The following ADAMTSL1 variants were observed in gnomAD, a reference collection of about 807,000 sequenced individuals.
ADAMTSL1 encodes the protein ADAMTS like 1, also known as ADAMTS-like protein 1.
In ADAMTSL1, 126 loss-of-function variants were observed where a neutral mutation model predicts 201.8. The ratio of observed to expected loss-of-function variants is 0.62; its 90% CI spans 0.54 to 0.72. The LOEUF (loss-of-function observed/expected upper bound fraction) is 0.72, where lower values mean the gene tolerates loss of function less well. Among genes scored for constraint, ADAMTSL1 ranks in the 30% least tolerant of loss-of-function variants. The pLI is 0.00. For missense variants in ADAMTSL1, 2,679 were observed against 2,277.8 expected, an observed-to-expected ratio of 1.18 and a Z score of -3.59; for synonymous variants, 1,121 against 903.4, an observed-to-expected ratio of 1.24 and a Z score of -4.32.
rs1820644031 is a variant in ADAMTSL1, at chr9:18,770,737, A to G, written c.2353A>G (p.Lys785Glu). Residue 785 changes from lysine (K) to glutamate (E), a missense_variant, in exon 17 of 29, where the codon AAA (lysine) becomes GAA (glutamate). Coordinates refer to ENST00000380548, the MANE Select transcript of ADAMTSL1 (RefSeq NM_001040272.6). ...ACCTGCCTGCCAGCAAGCATGCAAGAAAGATGACTGTCCCAGCGAGTGGCT... is the reference window on the plus strand; with the variant it reads ...ACCTGCCTGCCAGCAAGCATGCAAGGAAGATGACTGTCCCAGCGAGTGGCT... ...SKPACQQACK[K>E]DDCPSEWLLS... 1.2e-6 allele frequency: 2 copies of G among 1,613,948 alleles called. No homozygotes were observed. Among genetic ancestry groups the G allele is most frequent in the Non-Finnish European group, 1.7e-6 (2 of 1,179,878 alleles).
chr9:18,196,855 C>A (rs997274325), intron 2 of ADAMTSL1, among the ~76,000 whole-genome samples: 3 of 152,086 alleles, frequency 2.0e-5, no homozygotes, highest in Admixed American at 1.3e-4. Context: ...CTGCCCTCAA[C>A]CTGACCAGCT....
chr9:18,471,503 G>A (rs941918836), upstream of ADAMTSL1, among the ~76,000 whole-genome samples: 2 of 152,140 alleles, frequency 1.3e-5, no homozygotes, highest in African/African-American at 4.8e-5. Context: ...CATAAAGATG[G>A]CATGTACATT....
chr9:18,007,467 T>C (rs1207507962), intron 1 of ADAMTSL1, among the ~76,000 whole-genome samples: 1 of 152,030 alleles, frequency 6.6e-6, no homozygotes, highest in Non-Finnish European at 1.5e-5. Context: ...AGACGGTATG[T>C]TAGAGTCATC....
rs747836852 is a variant in ADAMTSL1, at chr9:18,753,447, C to T, written c.2156C>T (p.Thr719Met). ...CTGTGTCGCCAGCCCAAGCCCAGCA[C>T]GGTGCAAGCTTGTAACCGCTTTAAT... ...DELCRQPKPS[T>M]VQACNRFNCP... Residue 719 changes from threonine to methionine, a missense_variant, in exon 16 of 29, where the codon ACG becomes ATG. Coordinates refer to ENST00000380548, the MANE Select transcript of ADAMTSL1 (RefSeq NM_001040272.6). The T allele has an allele frequency of 1.4e-5, 23 of 1,613,408 alleles. No individual in the cohort carries two copies. Among genetic ancestry groups the T allele is most frequent in the Middle Eastern group, 1.6e-4 (1 of 6,064 alleles).
At chr9:18,096,511 G>T (rs915219199) in intron 1 of ADAMTSL1, among the ~76,000 whole-genome samples, 10 of 152,198 alleles carry the variant, frequency 6.6e-5, no homozygotes, top group Non-Finnish European at 1.5e-4. Flanking sequence ...GATGGGGGTG[G>T]TGGAGATTCC....
intron 1 of ADAMTSL1, among the ~76,000 whole-genome samples, chr9:18,500,609 T>C (rs1381272707): frequency 6.6e-6 from 1 of 152,158 alleles, no homozygotes; most frequent in Non-Finnish European, 1.5e-5. Context: ...CATAAAATTA[T>C]AGAGCCAAAA....
intron 19 of ADAMTSL1, among the ~76,000 whole-genome samples, chr9:18,788,177 C>A (rs1390609242): frequency 6.6e-6 from 1 of 152,078 alleles, no homozygotes; most frequent in Non-Finnish European, 1.5e-5. Flanking sequence ...AATCTGTTGC[C>A]CAAAATTTTT....
At chr9:18,101,681 G>A (rs1037879104) in intron 1 of ADAMTSL1, among the ~76,000 whole-genome samples, 8 of 152,186 alleles carry the variant, frequency 5.3e-5, no homozygotes, top group Non-Finnish European at 1.0e-4. Flanking sequence ...AGAAGATGGA[G>A]GTCTAGGAGG....
chr9:18,327,215 T>G, intron 2 of ADAMTSL1, among the ~76,000 whole-genome samples: 1 of 152,244 alleles, frequency 6.6e-6, no homozygotes, highest in East Asian at 1.9e-4. Flanking sequence ...TTTGCTGTTC[T>G]GATATTGCAT....
At position 18,427,112 on chromosome 9, in the gene ADAMTSL1, C is replaced by T. The variant is rs1467554567; in HGVS notation, c.208-77717C>T. 2.6e-5 allele frequency among the ~76,000 whole-genome samples: 4 copies of T among 152,140 alleles called. No individual in the cohort carries two copies. In the East Asian group the frequency reaches 7.7e-4, roughly 29 times the overall value. Reference sequence around the variant, plus strand: ...CCAAATGGTTTTTTCTTCCATCTGCCAGTCTAATCATCTAAGACAAATCTT... The same window carrying T: ...CCAAATGGTTTTTTCTTCCATCTGCTAGTCTAATCATCTAAGACAAATCTT... On this transcript the variant is annotated intron_variant, in intron 2 of 29. Coordinates refer to the ADAMTSL1 transcript ENST00000680146.
chr9:18,704,882 C>G (rs1330160702), intron 13 of ADAMTSL1, among the ~76,000 whole-genome samples: 1 of 152,166 alleles, frequency 6.6e-6, no homozygotes, highest in Non-Finnish European at 1.5e-5. Flanking sequence ...CCATTCTACC[C>G]TCATCCACCT....
At chr9:18,620,804 A>T (rs113957812) in intron 4 of ADAMTSL1, among the ~76,000 whole-genome samples, 1,530 of 151,094 alleles carry the variant, frequency 0.01, 19 homozygotes, top group African/African-American at 0.036. Flanking sequence ...CTTTGCATTT[A>T]AAAAAAATGT....
At chr9:18,885,683 T>G (rs1342158130) in intron 23 of ADAMTSL1, among the ~76,000 whole-genome samples, 2 of 152,080 alleles carry the variant, frequency 1.3e-5, no homozygotes, top group African/African-American at 4.8e-5. Flanking sequence ...TAGGTTATCT[T>G]TTTAGAACCC....
chr9:17,945,845 T>A (rs1366836212), intron 1 of ADAMTSL1, among the ~76,000 whole-genome samples: 1 of 147,164 alleles, frequency 6.8e-6, no homozygotes, highest in African/African-American at 2.5e-5. Context: ...AGGGATAGCT[T>A]TAGGAGATAT....
intron 1 of ADAMTSL1, among the ~76,000 whole-genome samples, chr9:17,983,072 C>CTTTTTTTTTTTTTTT (rs199805015): frequency 1.0e-5 from 1 of 100,316 alleles, no homozygotes; most frequent in Non-Finnish European, 2.0e-5. Context: ...TTCTTTCTTT[C>CTTTTTTTTTTTTTTT]TTTCTTTTTT....
chr9:18,580,337 ATGAAT>A (rs1454604842), intron 4 of ADAMTSL1, among the ~76,000 whole-genome samples: 1 of 152,198 alleles, frequency 6.6e-6, no homozygotes, highest in Non-Finnish European at 1.5e-5. Context: ...GTAGTTTGAA[ATGAAT>A]TGAATAGAAT....
At chr9:18,534,574 C>T (rs910615686) in intron 3 of ADAMTSL1, among the ~76,000 whole-genome samples, 1 of 152,202 alleles carries the variant, frequency 6.6e-6, no homozygotes, top group Non-Finnish European at 1.5e-5. Context: ...GAAGCTCTTT[C>T]CTCAATATCA....
chr9:18,324,338 C>G (rs1226038067), intron 2 of ADAMTSL1, among the ~76,000 whole-genome samples: 1 of 151,438 alleles, frequency 6.6e-6, no homozygotes, highest in Non-Finnish European at 1.5e-5. Context: ...AACCTAAAAG[C>G]TAAAAATATC....
intron 2 of ADAMTSL1, among the ~76,000 whole-genome samples, chr9:18,359,834 C>A (rs867595493): frequency 2.6e-5 from 3 of 116,920 alleles, no homozygotes; most frequent in Non-Finnish European, 5.4e-5. Context: ...CCCGCCCCCC[C>A]GCCCACACAA....
Sources: allele counts gnomAD v4.1 joint callset (sites outside exome capture counted in the v4.1 genomes callset), GRCh38; gene constraint gnomAD v4.1.1; transcripts MANE v1.5; gene names NCBI Gene and HGNC (gene_info 2026-07-23, HGNC 2026-07-21).